The following LACTB2 variants were observed in gnomAD, a reference collection of about 807,000 sequenced individuals.
The protein encoded by LACTB2 is lactamase beta 2.
LACTB2 carries 32 observed loss-of-function variants against 34.8 expected under a neutral mutation model. The observed-to-expected ratio is 0.92, with a 90% CI of 0.69 to 1.24. LACTB2 has a LOEUF of 1.24. LACTB2 is among the 50% of genes most tolerant of loss of function. LACTB2 has a pLI of 0.00. For synonymous variants in LACTB2, 120 were observed against 117.5 expected, an observed-to-expected ratio of 1.02 and a Z score of -0.14; for missense variants, 320 against 345.0, an observed-to-expected ratio of 0.93 and a Z score of 0.57.
chr8:70,667,631 T>A (rs1479211051), intron 1 of LACTB2, among the ~76,000 whole-genome samples: 1 of 152,246 alleles, frequency 6.6e-6, no homozygotes, highest in Non-Finnish European at 1.5e-5. Flanking sequence ...CACTTTGCTA[T>A]GTTGAGTGTG....
At chr8:70,643,329 T>A (rs1818223913) in intron 4 of LACTB2, among the ~76,000 whole-genome samples, 1 of 142,536 alleles carries the variant, frequency 7.0e-6, no homozygotes, top group African/African-American at 2.6e-5. Flanking sequence ...TTCAAGCAAC[T>A]CTCCTGCCTC....
At chr8:70,651,691 G>GA (rs1396619201) in intron 3 of LACTB2, 1 of 142,038 alleles carries the variant, frequency 7.0e-6, no homozygotes, top group Admixed American at 6.8e-5. Flanking sequence ...GTTTTTCTGT[G>GA]ATATAAACAC....
chr8:70,666,741 T>A (rs1563409656), intron 1 of LACTB2, among the ~76,000 whole-genome samples: 1 of 152,218 alleles, frequency 6.6e-6, no homozygotes, highest in Non-Finnish European at 1.5e-5. Flanking sequence ...CAGATCTTCA[T>A]AATGGCTTGG....
chr8:70,648,613 C>A (rs1818296507), intron 3 of LACTB2, among the ~76,000 whole-genome samples: 1 of 151,554 alleles, frequency 6.6e-6, no homozygotes, highest in Non-Finnish European at 1.5e-5. Flanking sequence ...GGAGTTCTAA[C>A]AAAATAATAG....
chr8:70,660,210 T>C (rs889112436), intron 2 of LACTB2: 4 of 189,264 alleles, frequency 2.1e-5, no homozygotes, highest in Non-Finnish European at 4.4e-5. Context: ...TGCCTCAGTC[T>C]CCTGAGTGGA....
chr8:70,660,725 C>G, intron 2 of LACTB2: 1 of 456,356 alleles, frequency 2.2e-6, no homozygotes, highest in South Asian at 1.5e-5. Flanking sequence ...CCACTTTACG[C>G]TCTCTTCCCT....
chr8:70,666,558 C>T (rs1818534684), intron 1 of LACTB2, among the ~76,000 whole-genome samples: 1 of 152,134 alleles, frequency 6.6e-6, no homozygotes, highest in South Asian at 2.1e-4. Flanking sequence ...TGATGGAGGC[C>T]AGAATACACA....
chr8:70,638,361 A>C (rs1225321529), intron 6 of LACTB2, among the ~76,000 whole-genome samples, 187 bp downstream of exon 6: 1 of 152,022 alleles, frequency 6.6e-6, no homozygotes, highest in Non-Finnish European at 1.5e-5. Flanking sequence ...TTCCCCTGGG[A>C]GCTTTTGGTT....
intron 1 of LACTB2, among the ~76,000 whole-genome samples, chr8:70,663,976 G>T (rs1818510727): frequency 6.6e-6 from 1 of 151,932 alleles, no homozygotes; most frequent in East Asian, 1.9e-4. Context: ...ACTTAGCATT[G>T]TGCATATTTA....
chr8:70,645,701 G>A (rs1460930289), intron 3 of LACTB2, among the ~76,000 whole-genome samples: 2 of 138,172 alleles, frequency 1.4e-5, no homozygotes, highest in African/African-American at 5.5e-5. Context: ...GTGTCCATGT[G>A]TTCTCACTGT....
At chr8:70,656,574 G>A (rs911527352) in intron 3 of LACTB2, among the ~76,000 whole-genome samples, 11 of 152,134 alleles carry the variant, frequency 7.2e-5, no homozygotes, top group African/African-American at 2.7e-4. Flanking sequence ...TGCTGTTTTG[G>A]TGACTATGGC....
intron 3 of LACTB2, chr8:70,652,404 T>C (rs1323431824): frequency 6.6e-6 from 1 of 152,236 alleles, no homozygotes; most frequent in Non-Finnish European, 1.5e-5. Context: ...ATCAGGAAAT[T>C]AAATGTTTTA....
chr8:70,664,305 T>C (rs1162038596), intron 1 of LACTB2, among the ~76,000 whole-genome samples: 4 of 152,208 alleles, frequency 2.6e-5, no homozygotes, highest in Non-Finnish European at 5.9e-5. Context: ...AATCTAAAAA[T>C]GAATATAAAT....
intron 3 of LACTB2, chr8:70,651,821 A>G (rs1044573428): frequency 6.6e-6 from 1 of 152,208 alleles, no homozygotes; most frequent in African/African-American, 2.4e-5. Flanking sequence ...AGGCAGGAGG[A>G]GAAAAGGAAA....
chr8:70,666,428 G>A (rs1047822433), intron 1 of LACTB2, among the ~76,000 whole-genome samples: 7 of 152,218 alleles, frequency 4.6e-5, no homozygotes, highest in Non-Finnish European at 8.8e-5. Flanking sequence ...GGAGGAATGA[G>A]TGGAAGAAAG....
intron 5 of LACTB2, among the ~76,000 whole-genome samples, chr8:70,640,127 A>G (rs879418734): frequency 2.0e-5 from 3 of 152,206 alleles, no homozygotes; most frequent in Admixed American, 2.0e-4. Flanking sequence ...CACCTGGCTC[A>G]TTTAAAAAAT....
intron 2 of LACTB2, 87 bp from the exon 3 acceptor site, chr8:70,657,969 G>A (rs1244407522): frequency 2.6e-6 from 2 of 769,036 alleles, no homozygotes; most frequent in Non-Finnish European, 2.0e-6. Flanking sequence ...TAACACTTGT[G>A]AATGACTGCA....
At position 70,669,168 on chromosome 8, in the gene LACTB2, C is replaced by A. The variant is rs752824943; in HGVS notation, c.-48G>T. ...CGTGTCGCCTATCTGGATACTCCAG[C>A]GCGGAAGAAGCCAACAGGCCGGGGA... On this transcript the variant is annotated 5_prime_UTR_variant, in exon 1 of 7. Coordinates refer to ENST00000276590, the MANE Select transcript of LACTB2 (RefSeq NM_016027.3). 1 of 1,599,196 alleles carries A rather than the reference C, an allele frequency of 6.3e-7. No individual in the cohort carries two copies. The highest frequency in any genetic ancestry group is 2.3e-5 in the East Asian group (1 of 44,208).
chr8:70,648,471 C>T (rs1818293502), intron 3 of LACTB2, among the ~76,000 whole-genome samples: 1 of 151,760 alleles, frequency 6.6e-6, no homozygotes, highest in South Asian at 2.1e-4. Flanking sequence ...CTGAAAATTA[C>T]AAATCTGAGA....
Sources: gnomAD v4.1 joint callset for allele counts (sites outside exome capture counted in the v4.1 genomes callset) on GRCh38, gnomAD v4.1.1 for gene constraint, MANE v1.5 for transcripts, NCBI Gene and HGNC (gene_info 2026-07-23, HGNC 2026-07-21) for gene names.